The following DPH6 variants were observed in gnomAD, a reference collection of about 807,000 sequenced individuals.
The protein encoded by DPH6 is diphthine--ammonia ligase.
A neutral mutation model predicts 38.2 loss-of-function variants in DPH6; 33 were observed. The observed-to-expected ratio is 0.86, with a 90% CI of 0.65 to 1.15. The LOEUF (loss-of-function observed/expected upper bound fraction) is 1.15. DPH6 is among the 50% of genes most tolerant of loss of function. The probability of loss-of-function intolerance (pLI) is 0.00; values close to 1 mark genes in which losing one functional copy is unlikely to be tolerated. For synonymous variants in DPH6, 108 were observed against 103.0 expected (o/e 1.05, Z -0.30); for missense variants, 325 against 320.0 (o/e 1.02, Z -0.12).
chr15:35,274,981 C>G (rs1792840235), intron 3 of DPH6, among the ~76,000 whole-genome samples: 1 of 151,774 alleles, frequency 6.6e-6, no homozygotes, highest in South Asian at 2.1e-4. Context: ...GTGGCGCAAT[C>G]TCGGCTCACT....
chr15:35,298,888 GGTAACT>G (rs2052033723), intron 3 of DPH6: 3 of 948,690 alleles, frequency 3.2e-6, no homozygotes, highest in Non-Finnish European at 1.7e-6. Context: ...AAAATCTCGG[GGTAACT>G]GTCTTTTACT....
At chr15:35,489,257 G>C in intron 3 of DPH6, 8 of 836,818 alleles carry the variant, frequency 9.6e-6, no homozygotes, top group Non-Finnish European at 1.2e-5. Context: ...ATGTGATCTG[G>C]GGATCTGGGA....
At chr15:35,209,949 G>C in the DPH6 span, among the ~76,000 whole-genome samples, 1 of 152,156 alleles carries the variant, frequency 6.6e-6, no homozygotes, top group Admixed American at 6.5e-5. Flanking sequence ...TTTAAGTTCT[G>C]CCAGGTATCC....
intron 6 of DPH6, among the ~76,000 whole-genome samples, chr15:35,393,243 G>C (rs1216596005): frequency 6.6e-6 from 1 of 152,128 alleles, no homozygotes; most frequent in East Asian, 1.9e-4. Flanking sequence ...GGGATGGAGA[G>C]GAGAGAGTAG....
chr15:35,382,228 G>A (rs2052878441), intron 6 of DPH6, among the ~76,000 whole-genome samples: 1 of 152,134 alleles, frequency 6.6e-6, no homozygotes, highest in African/African-American at 2.4e-5. Flanking sequence ...AAGGTCAGGA[G>A]ATCGAGACCA....
At chr15:35,265,961 A>T (rs1161721543) in intron 3 of DPH6, among the ~76,000 whole-genome samples, 1 of 152,182 alleles carries the variant, frequency 6.6e-6, no homozygotes, top group East Asian at 1.9e-4. Context: ...AATTTAGTTT[A>T]GTTTTAACTG....
intron 3 of DPH6, among the ~76,000 whole-genome samples, chr15:35,303,035 C>A (rs543768629): frequency 3.0e-4 from 45 of 152,070 alleles, no homozygotes; most frequent in Non-Finnish European, 5.6e-4. Context: ...CTTTGTTCTA[C>A]AATTTAAGAA....
chr15:35,215,631 T>G (rs2051407505), downstream of DPH6, among the ~76,000 whole-genome samples: 2 of 152,314 alleles, frequency 1.3e-5, no homozygotes, highest in South Asian at 2.1e-4. Flanking sequence ...TCAAGTAATC[T>G]TCCTGCCTTG....
intron 3 of DPH6, among the ~76,000 whole-genome samples, chr15:35,506,921 C>T (rs529604085): frequency 6.6e-6 from 1 of 151,086 alleles, no homozygotes; most frequent in Non-Finnish European, 1.5e-5. Context: ...AAAATAAATT[C>T]TAGTGACAGT....
chr15:35,174,289 T>C, the DPH6 span, among the ~76,000 whole-genome samples: 1 of 152,360 alleles, frequency 6.6e-6, no homozygotes, highest in East Asian at 1.9e-4. Flanking sequence ...TAAAAGAATT[T>C]AAGCCTTTTA....
the DPH6 span, among the ~76,000 whole-genome samples, chr15:35,174,627 C>G: frequency 1.3e-5 from 2 of 152,134 alleles, no homozygotes; most frequent in African/African-American, 4.8e-5. Flanking sequence ...ATACTGAATT[C>G]CTAAACTGTG....
chr15:35,381,901 C>T lies in DPH6; in HGVS notation c.583G>A (p.Gly195Arg). ...CCACCTTCTCCACAAACATGTACTC[C>T]ATACTTCTTAGAAAGCTGAAAATAG... is the stretch of plus-strand genomic sequence containing the variant. ...PYLIELSKKY[G>R]VHVCGEGGEY... Residue 195 changes from glycine (G) to arginine (R), a missense_variant, in exon 7 of 9, where the codon GGA becomes AGA. By Grantham distance (125) the Gly-to-Arg change is moderately radical. Coordinates refer to ENST00000256538, the MANE Select transcript of DPH6 (RefSeq NM_080650.4). The T allele has an allele frequency of 6.2e-7, 1 of 1,611,938 alleles. No individual in the cohort carries two copies. Among genetic ancestry groups the T allele is most frequent in the Non-Finnish European group, 8.5e-7 (1 of 1,179,256 alleles).
intron 3 of DPH6, among the ~76,000 whole-genome samples, chr15:35,467,428 T>C (rs964457700): frequency 6.6e-6 from 1 of 152,100 alleles, no homozygotes; most frequent in African/African-American, 2.4e-5. Flanking sequence ...TAGCTGGGCA[T>C]GGTGGTGCGC....
intron 1 of DPH6, among the ~76,000 whole-genome samples, chr15:35,545,438 G>A (rs1285943439): frequency 1.3e-5 from 2 of 152,210 alleles, no homozygotes; most frequent in Non-Finnish European, 1.5e-5. Flanking sequence ...AAGCAATGAT[G>A]AGAGTCCGAA....
At chr15:35,208,058 G>A in the DPH6 span, among the ~76,000 whole-genome samples, 1 of 151,976 alleles carries the variant, frequency 6.6e-6, no homozygotes, top group East Asian at 1.9e-4. Flanking sequence ...ATATTAAATT[G>A]GGATCCACAT....
chr15:35,311,419 C>G (rs927633276), intron 3 of DPH6, among the ~76,000 whole-genome samples: 5 of 152,128 alleles, frequency 3.3e-5, no homozygotes, highest in African/African-American at 4.8e-5. Flanking sequence ...TTTTTCTATA[C>G]AAAAATATAA....
At chr15:35,461,083 A>C (rs2054061178) in intron 3 of DPH6, among the ~76,000 whole-genome samples, 1 of 152,110 alleles carries the variant, frequency 6.6e-6, no homozygotes, top group African/African-American at 2.4e-5. Flanking sequence ...TTATTTATTT[A>C]TTCATTTATT....
intron 6 of DPH6, among the ~76,000 whole-genome samples, chr15:35,388,156 A>G (rs914066987): frequency 6.6e-6 from 1 of 152,052 alleles, no homozygotes; most frequent in Non-Finnish European, 1.5e-5. Context: ...ATTGATTTTC[A>G]TATGTTGAAC....
intron 3 of DPH6, among the ~76,000 whole-genome samples, chr15:35,264,413 C>T (rs2051770209): frequency 6.6e-6 from 1 of 152,120 alleles, no homozygotes; most frequent in African/African-American, 2.4e-5. Flanking sequence ...CTGATTTACC[C>T]AACACTTTAA....
Sources: allele counts gnomAD v4.1 joint callset (sites outside exome capture counted in the v4.1 genomes callset), GRCh38; gene constraint gnomAD v4.1.1; transcripts MANE v1.5; gene names NCBI Gene and HGNC (gene_info 2026-07-23, HGNC 2026-07-21).